POGZ: variants seen among roughly 807,000 people sequenced by gnomAD.
POGZ encodes the protein pogo transposable element derived with ZNF domain.
Under a neutral mutation model 134.6 loss-of-function variants are expected in POGZ, and 17 were observed. The observed-to-expected ratio is 0.13, with a 90% confidence interval of 0.09 to 0.19. The LOEUF is 0.19. POGZ is among the 10% of genes least tolerant of loss of function. The probability of loss-of-function intolerance (pLI) is 1.00; values close to 1 mark genes in which losing one functional copy is unlikely to be tolerated. For missense variants in POGZ, 1,306 were observed against 1,769.7 expected (o/e 0.74, Z 4.70); for synonymous variants, 693 against 657.1 (o/e 1.05, Z -0.84).
chr1:151,408,226 C>T lies in POGZ; in HGVS notation c.2249G>A (p.Arg750Gln), dbSNP rs537298438. 1.6e-5 allele frequency: 25 copies of T among 1,611,384 alleles called. No individual in the cohort carries two copies. Among genetic ancestry groups the T allele is most frequent in the Middle Eastern group, 1.7e-4 (1 of 6,044 alleles). Residue 750 changes from arginine to glutamine, a missense_variant, in exon 15 of 19, where the codon CGG (arginine) becomes CAG (glutamine). By Grantham distance (43) the Arg-to-Gln change is conservative (BLOSUM62 1). Coordinates refer to ENST00000271715, the MANE Select transcript of POGZ (RefSeq NM_015100.4). The stretch of plus-strand genomic sequence containing the variant: ...GAAGCTGCACTCCAGGCATGTCTGC[C>T]GGCCCATGACACTCCTGTGGGGGAA... Reference protein sequence around the residue: ...RAVRKMSVMGRQTCLECSFEI... With the variant: ...RAVRKMSVMGQQTCLECSFEI...
At chr1:151,434,303 T>G (rs1659216765) in intron 3 of POGZ, among the ~76,000 whole-genome samples, 1 of 151,874 alleles carries the variant, frequency 6.6e-6, no homozygotes, top group Non-Finnish European at 1.5e-5. Context: ...TGAGTCTCAG[T>G]CTCAAAAATA....
At chr1:151,436,352 G>A (rs977663433) in intron 3 of POGZ, among the ~76,000 whole-genome samples, 1 of 152,078 alleles carries the variant, frequency 6.6e-6, no homozygotes, top group South Asian at 2.1e-4. Context: ...TGGCAACCAC[G>A]AATCTAATTT....
chr1:151,407,193 A>C, intron 16 of POGZ, 42 bp downstream of exon 16: 1 of 1,457,796 alleles, frequency 6.9e-7, no homozygotes, highest in South Asian at 1.2e-5. Context: ...ATTAATGTAA[A>C]AACCTGAAAA....
intron 10 of POGZ, among the ~76,000 whole-genome samples, chr1:151,413,623 C>G (rs1022868380): frequency 2.0e-5 from 3 of 150,636 alleles, no homozygotes; most frequent in African/African-American, 7.3e-5. Context: ...TACACCCCAG[C>G]CAAAGAAATA....
Position 151,428,257 on chromosome 1 carries a change from G to A in POGZ, c.725C>T (p.Pro242Leu). ...CTTGGTCTGCTGGGACTGGGACTGT[G>A]GGACGGTGCTTCGAATGGTAAGAGT... Reference protein sequence around the residue: ...PATLTIRSTVPQSQSQQTKST... With the variant: ...PATLTIRSTVLQSQSQQTKST... The change falls in exon 6 of 19, where the codon CCA becomes CTA. Residue 242 changes from proline to leucine, a missense_variant. By Grantham distance (98) the Pro-to-Leu change is moderately conservative (BLOSUM62 -3). Transcript: ENST00000271715. 6.2e-7 allele frequency: 1 copy of A among 1,614,170 alleles called. No individual in the cohort carries two copies. Among genetic ancestry groups the A allele is most frequent in the Non-Finnish European group, 8.5e-7 (1 of 1,179,994 alleles).
intron 1 of POGZ, among the ~76,000 whole-genome samples, chr1:151,453,129 T>G (rs1335074763): frequency 2.0e-5 from 3 of 151,856 alleles, no homozygotes; most frequent in Non-Finnish European, 4.4e-5. Flanking sequence ...ACCATGTTGG[T>G]CAGGCTGGTC....
In POGZ at chr1:151,428,175, T is replaced by C. The variant is rs777186506; in HGVS notation, c.807A>G (p.Gln269=). The C allele has an allele frequency of 6.2e-7, 1 of 1,614,160 alleles. No individual in the cohort carries two copies. The highest frequency in any genetic ancestry group is 1.1e-5 in the South Asian group (1 of 91,090). ...ACTGGCCTGGAGACTGAACAGCTAGTTGCCCCAGTGAGGTTGGCTGTGTGG... is the reference window on the plus strand; with the variant it reads ...ACTGGCCTGGAGACTGAACAGCTAGCTGCCCCAGTGAGGTTGGCTGTGTGG... ...PTATQPTSLG[Q]LAVQSPGQSN... is the part of the protein sequence containing the mutation. The change falls in exon 6 of 19, where the codon CAA becomes CAG. Residue 269 remains glutamine (Q), a synonymous_variant. Transcript: ENST00000271715.
intron 1 of POGZ, among the ~76,000 whole-genome samples, chr1:151,447,112 G>C (rs529647727): frequency 6.6e-6 from 1 of 152,026 alleles, no homozygotes; most frequent in African/African-American, 2.4e-5. Context: ...ATGGCTGGGC[G>C]CGGTGGCTCA....
intron 1 of POGZ, among the ~76,000 whole-genome samples, chr1:151,452,520 G>C (rs761350684): frequency 1.3e-5 from 2 of 151,934 alleles, no homozygotes; most frequent in African/African-American, 2.4e-5. Context: ...TTTTCTTATA[G>C]ATACTAGTAT....
chr1:151,423,799 C>T, intron 9 of POGZ, 150 bp downstream of exon 9: 1 of 677,654 alleles, frequency 1.5e-6, no homozygotes, highest in East Asian at 2.7e-5. Flanking sequence ...ACAATATCTC[C>T]TTCTATAGTC....
intron 10 of POGZ, among the ~76,000 whole-genome samples, chr1:151,416,138 G>A (rs559433134): frequency 1.5e-4 from 23 of 148,900 alleles, no homozygotes; most frequent in African/African-American, 4.7e-4. Flanking sequence ...AACCTGTGAC[G>A]CGGAGGTTGC....
Position 151,405,620 on chromosome 1 carries a change from T to C in POGZ, c.3415A>G (p.Ser1139Gly). The change falls in exon 19 of 19, where the codon AGT (serine) becomes GGT (glycine). Residue 1139 changes from serine (S) to glycine (G), a missense_variant. Physicochemically the swap from Ser to Gly is moderately conservative, Grantham distance 56 (BLOSUM62 0). Transcript: ENST00000271715. The surrounding 1 kb of genome is among the most constrained non-coding windows in gnomAD (Gnocchi z 4.9). ...SLFLDTEVLS[S>G]DDRKENALQT... The stretch of plus-strand genomic sequence containing the variant: ...AGGGCATTCTCCTTTCGATCATCAC[T>C]GCTCAGCACCTCTGTATCCAGGAAC... 1 of 1,614,236 alleles carries C rather than the reference T, an allele frequency of 6.2e-7. No individual in the cohort carries two copies. Among genetic ancestry groups the C allele is most frequent in the Non-Finnish European group, 8.5e-7 (1 of 1,180,034 alleles).
intron 7 of POGZ, chr1:151,426,527 T>G (rs914456941): frequency 5.3e-5 from 8 of 152,274 alleles, no homozygotes; most frequent in African/African-American, 9.6e-5. Context: ...TGGGAGTTTT[T>G]TTGTTGTTGA....
Position 151,407,273 on chromosome 1 carries a change from C to G in POGZ, c.2394G>C (p.Lys798Asn), listed in dbSNP as rs752869474. ...TAAACAAAGCCAAATACTTGGGGCTCTTCCGTGGAACATGATTGCTGAGAA... is the reference window on the plus strand; with the variant it reads ...TAAACAAAGCCAAATACTTGGGGCTGTTCCGTGGAACATGATTGCTGAGAA... ...NHMINNHVPR[K>N]SPKYLALFKN... The change falls in exon 16 of 19, where the codon AAG becomes AAC. Residue 798 changes from lysine (K) to asparagine (N), a missense_variant. Transcript: ENST00000271715. 6.2e-7 allele frequency: 1 copy of G among 1,610,250 alleles called. No individual in the cohort carries two copies. The highest frequency in any genetic ancestry group is 8.5e-7 in the Non-Finnish European group (1 of 1,178,368).
intron 1 of POGZ, among the ~76,000 whole-genome samples, chr1:151,448,433 G>A (rs1661570368): frequency 6.6e-6 from 1 of 151,980 alleles, no homozygotes; most frequent in South Asian, 2.1e-4. Flanking sequence ...GCAACAGAGA[G>A]AGACCTCATA....
At chr1:151,434,244 C>G (rs1659207570) in intron 3 of POGZ, among the ~76,000 whole-genome samples, 1 of 152,048 alleles carries the variant, frequency 6.6e-6, no homozygotes, top group Admixed American at 6.6e-5. Flanking sequence ...CAGGTGGGGT[C>G]TTCAGTGAGC....
intron 1 of POGZ, chr1:151,455,076 C>T (rs1662609460): frequency 6.7e-6 from 1 of 150,084 alleles, no homozygotes; most frequent in Admixed American, 6.6e-5. Flanking sequence ...CATTACGCTC[C>T]AGCCTGGGCA....
rs962587481 is a variant in POGZ at position 151,432,420 on chromosome 1, A to G, written c.284-1579T>C. Among the ~76,000 whole-genome samples the G allele has an allele frequency of 3.3e-5, 5 of 152,218 alleles. No homozygotes were observed. The South Asian group carries it at 1.0e-3, about 32-fold the overall frequency. ...TCAGAAACTGAGAGCTCATCAGTAGACTAGACCCTCAGTTACTGAGCCAGA... is the reference window on the plus strand; with the variant it reads ...TCAGAAACTGAGAGCTCATCAGTAGGCTAGACCCTCAGTTACTGAGCCAGA... On this transcript the variant is annotated intron_variant, in intron 3 of 18. Transcript: ENST00000271715.
At chr1:151,454,764 A>G (rs1268261758) in intron 1 of POGZ, among the ~76,000 whole-genome samples, 1 of 152,200 alleles carries the variant, frequency 6.6e-6, no homozygotes, top group Non-Finnish European at 1.5e-5. Context: ...GCTAACACCT[A>G]GCAATAGGTT....
Sources: gnomAD v4.1 joint callset for allele counts (sites outside exome capture counted in the v4.1 genomes callset) on GRCh38, gnomAD v4.1.1 for gene constraint, Gnocchi (gnomAD v3.1) non-coding constraint, MANE v1.5 for transcripts, NCBI Gene and HGNC (gene_info 2026-07-23, HGNC 2026-07-21) for gene names.